The following STRN3 variants were observed in gnomAD, a reference collection of about 807,000 sequenced individuals.
STRN3 encodes the protein striatin-3.
Under a neutral mutation model 95.6 loss-of-function variants are expected in STRN3, and 29 were observed. That is an observed-to-expected ratio of 0.30 (90% confidence interval 0.23 to 0.41). STRN3 has a LOEUF of 0.41. STRN3 is among the 10% of genes least tolerant of loss of function. STRN3 has a pLI of 1.00. For missense variants in STRN3, 890 were observed against 972.1 expected, an observed-to-expected ratio of 0.92 and a Z score of 1.12; for synonymous variants, 331 against 357.6, an observed-to-expected ratio of 0.93 and a Z score of 0.84.
At chr14:30,991,064 C>T (rs1025675804) in intron 1 of STRN3, among the ~76,000 whole-genome samples, 1 of 152,166 alleles carries the variant, frequency 6.6e-6, no homozygotes, top group Non-Finnish European at 1.5e-5. Flanking sequence ...AGAGAAGATA[C>T]AGTCTAATCA....
chr14:30,935,043 C>T, intron 7 of STRN3, 120 bp downstream of exon 7: 9 of 1,326,530 alleles, frequency 6.8e-6, no homozygotes, highest in Non-Finnish European at 8.1e-6. Flanking sequence ...AACCACTTCC[C>T]CTTGCTCTCC....
intron 1 of STRN3, among the ~76,000 whole-genome samples, chr14:30,962,893 T>C (rs1260664500): frequency 6.6e-6 from 1 of 152,110 alleles, no homozygotes. Flanking sequence ...ACCATTGTGT[T>C]ACAACTGCCT....
At chr14:30,982,538 G>C (rs749554695) in intron 1 of STRN3, among the ~76,000 whole-genome samples, 1 of 152,108 alleles carries the variant, frequency 6.6e-6, no homozygotes, top group Non-Finnish European at 1.5e-5. Context: ...CCGAACTCTT[G>C]GCCTCAAGTG....
At chr14:30,923,620 ATG>A (rs1334748444) in intron 8 of STRN3, among the ~76,000 whole-genome samples, 1 of 152,192 alleles carries the variant, frequency 6.6e-6, no homozygotes, top group East Asian at 1.9e-4. Context: ...AATTTTTAAA[ATG>A]GGGAAAGCCT....
chr14:30,928,049 A>G (rs1878281438), intron 8 of STRN3, among the ~76,000 whole-genome samples: 1 of 152,196 alleles, frequency 6.6e-6, no homozygotes, highest in Non-Finnish European at 1.5e-5. Context: ...ATTATAGGTA[A>G]ATGATGTTAG....
chr14:30,926,338 A>G (rs1444703039), intron 8 of STRN3, among the ~76,000 whole-genome samples: 1 of 152,038 alleles, frequency 6.6e-6, no homozygotes, highest in Non-Finnish European at 1.5e-5. Context: ...CACAAAAATT[A>G]TATTTTAAAT....
In STRN3 at chr14:30,895,766, G is replaced by A; in HGVS notation, c.2138-18C>T. On this transcript the variant is annotated intron_variant, in intron 16 of 17. Coordinates refer to ENST00000357479, the MANE Select transcript of STRN3 (RefSeq NM_001083893.2). ...CATTTTACCTAAACAAAACATAACA[G>A]AGAACTGATTAAGTTTTCACAAATA... is the stretch of plus-strand genomic sequence containing the variant. 1 of 1,595,882 alleles carries A rather than the reference G, an allele frequency of 6.3e-7. No individual in the cohort carries two copies. Among genetic ancestry groups the A allele is most frequent in the Non-Finnish European group, 8.5e-7 (1 of 1,172,304 alleles).
Position 30,895,392 on chromosome 14 carries a change from G to C in STRN3, c.*19C>G, listed in dbSNP as rs777834290. Reference sequence around the variant, plus strand: ...TTTCTGTCCAAGCAAATCTTGTTACGATGCAAGTTTTTGTTGATTCATACA... The same window carrying C: ...TTTCTGTCCAAGCAAATCTTGTTACCATGCAAGTTTTTGTTGATTCATACA... On this transcript the variant is annotated 3_prime_UTR_variant, in exon 18 of 18. Coordinates refer to ENST00000357479, the MANE Select transcript of STRN3 (RefSeq NM_001083893.2). 1.3e-6 allele frequency: 2 copies of C among 1,582,320 alleles called. No individual in the cohort carries two copies. The highest frequency in any genetic ancestry group is 8.6e-7 in the Non-Finnish European group (1 of 1,162,994).
At chr14:31,005,318 C>T (rs972889888) in intron 1 of STRN3, among the ~76,000 whole-genome samples, 6 of 152,078 alleles carry the variant, frequency 3.9e-5, no homozygotes, top group East Asian at 3.9e-4. Flanking sequence ...GGCGACAGAA[C>T]GAGACTCCTC....
intron 9 of STRN3, among the ~76,000 whole-genome samples, chr14:30,916,989 T>C (rs1305442609): frequency 2.0e-5 from 3 of 152,144 alleles, no homozygotes; most frequent in African/African-American, 7.2e-5. Context: ...GCAGCAATAG[T>C]CTAGAAGATT....
At chr14:31,021,336 A>G (rs1290579630) in intron 1 of STRN3, among the ~76,000 whole-genome samples, 3 of 152,222 alleles carry the variant, frequency 2.0e-5, no homozygotes, top group Non-Finnish European at 4.4e-5. Context: ...TCCTAGTTGC[A>G]TAGATTACTT....
chr14:30,973,107 G>T (rs1880914978), intron 1 of STRN3, among the ~76,000 whole-genome samples: 1 of 151,918 alleles, frequency 6.6e-6, no homozygotes. Flanking sequence ...CACTCAAGAG[G>T]GTGAGGCAGG....
At chr14:31,013,492 C>A (rs1372710425) in intron 1 of STRN3, among the ~76,000 whole-genome samples, 2 of 151,982 alleles carry the variant, frequency 1.3e-5, no homozygotes, top group Non-Finnish European at 2.9e-5. Flanking sequence ...GAGAGGGACA[C>A]ACACAGACTA....
At chr14:31,003,612 T>C (rs1288877330) in intron 1 of STRN3, among the ~76,000 whole-genome samples, 1 of 152,082 alleles carries the variant, frequency 6.6e-6, no homozygotes, top group African/African-American at 2.4e-5. Context: ...CTGCTTTCTT[T>C]TGCCTTCAGC....
intron 8 of STRN3, among the ~76,000 whole-genome samples, chr14:30,923,079 T>C (rs191445542): frequency 2.0e-5 from 3 of 152,358 alleles, no homozygotes; most frequent in East Asian, 1.9e-4. Flanking sequence ...ATAACTATTT[T>C]GTGGGCTCTT....
intron 16 of STRN3, among the ~76,000 whole-genome samples, chr14:30,898,693 C>G (rs1256370424): frequency 6.6e-6 from 1 of 152,214 alleles, no homozygotes; most frequent in Non-Finnish European, 1.5e-5. Flanking sequence ...CAGCTTCTCA[C>G]ATCTAACCAA....
chr14:30,974,936 T>TA (rs1167092519), intron 1 of STRN3, among the ~76,000 whole-genome samples: 4 of 151,498 alleles, frequency 2.6e-5, no homozygotes, highest in South Asian at 2.1e-4. Context: ...CTTCAAATTG[T>TA]AAAAAACTCA....
chr14:31,012,614 T>A (rs1883018607), intron 1 of STRN3, among the ~76,000 whole-genome samples: 1 of 152,018 alleles, frequency 6.6e-6, no homozygotes, highest in Admixed American at 6.6e-5. Flanking sequence ...GGATGTAGGG[T>A]CAGGCGCGGT....
At chr14:31,013,863 TTTA>T (rs548417882) in intron 1 of STRN3, among the ~76,000 whole-genome samples, 5,325 of 80,590 alleles carry the variant, frequency 0.066, 192 homozygotes, top group Admixed American at 0.13. Context: ...TCAAAGCAAT[TTTA>T]TTATTATTAT....
Sources: allele counts gnomAD v4.1 joint callset (sites outside exome capture counted in the v4.1 genomes callset), GRCh38; gene constraint gnomAD v4.1.1; transcripts MANE v1.5; gene names NCBI Gene and HGNC (gene_info 2026-07-23, HGNC 2026-07-21).